TRPC6: variants seen among roughly 807,000 people sequenced by gnomAD.
The protein encoded by TRPC6 is transient receptor potential cation channel subfamily C member 6, also known as short transient receptor potential channel 6.
In TRPC6, 55 loss-of-function variants were observed where a neutral mutation model predicts 90.7. The ratio of observed to expected loss-of-function variants is 0.61; its 90% CI spans 0.49 to 0.76. The LOEUF is 0.76. TRPC6 is among the 30% of genes least tolerant of loss of function. The probability of loss-of-function intolerance (pLI) is 0.00; values close to 1 mark genes in which losing one functional copy is unlikely to be tolerated. For synonymous variants in TRPC6, 393 were observed against 393.0 expected (o/e 1.00, Z 0.00); for missense variants, 989 against 1,122.7 (o/e 0.88, Z 1.70).
intron 1 of TRPC6, among the ~76,000 whole-genome samples, chr11:101,523,041 G>T (rs1338698631): frequency 6.6e-6 from 1 of 152,162 alleles, no homozygotes; most frequent in African/African-American, 2.4e-5. Context: ...AGCTTGAATG[G>T]GCAAAGGACT....
In TRPC6 at chr11:101,546,351, C is replaced by T. The variant is rs556402312; in HGVS notation, c.170+36983G>A. ...CCTCCCAAAGTGCTGGGATTACAGG[C>T]GTGAGCCACCGCACCCGGCCTTATA... On this transcript the variant is annotated intron_variant, in intron 1 of 12. Transcript: ENST00000344327. 6.1e-5 allele frequency among the ~76,000 whole-genome samples: 4 copies of T among 65,660 alleles called. 1 individual carries two copies. The highest frequency in any genetic ancestry group is 1.2e-3 in the East Asian group (2 of 1,608). 43.1% of individuals were successfully genotyped at this position (65,660 alleles called of 152,430 possible).
chr11:101,557,318 G>A (rs1207551421), intron 1 of TRPC6, among the ~76,000 whole-genome samples: 3 of 152,198 alleles, frequency 2.0e-5, no homozygotes, highest in Non-Finnish European at 4.4e-5. Flanking sequence ...CTGTGCCACT[G>A]CACTCCAGCC....
intron 1 of TRPC6, among the ~76,000 whole-genome samples, chr11:101,514,459 A>ACT (rs1337500376): frequency 1.3e-5 from 2 of 152,074 alleles, no homozygotes. Context: ...GGAAGAGGAG[A>ACT]CTCAGCCCGC....
chr11:101,496,610 T>C (rs919865994), intron 2 of TRPC6, among the ~76,000 whole-genome samples: 26 of 152,248 alleles, frequency 1.7e-4, no homozygotes, highest in African/African-American at 5.1e-4. Context: ...TTAGTTAATA[T>C]AGTGTTTGGT....
At chr11:101,583,207 C>G in intron 1 of TRPC6, 127 bp downstream of exon 1, 1 of 1,442,810 alleles carries the variant, frequency 6.9e-7, no homozygotes, top group Non-Finnish European at 9.1e-7. Flanking sequence ...GCGGACCTCC[C>G]AGCACCGTCC....
chr11:101,533,437 C>T (rs1329144992), intron 1 of TRPC6, among the ~76,000 whole-genome samples: 3 of 152,300 alleles, frequency 2.0e-5, no homozygotes, highest in African/African-American at 2.4e-5. Context: ...CTAGAATTCA[C>T]TGTCACAAAG....
chr11:101,579,716 T>C (rs35637573), intron 1 of TRPC6, among the ~76,000 whole-genome samples: 4 of 152,198 alleles, frequency 2.6e-5, no homozygotes, highest in African/African-American at 9.7e-5. Context: ...CTTCTTACTG[T>C]TAAAGTTTCC....
intron 1 of TRPC6, among the ~76,000 whole-genome samples, chr11:101,538,292 A>G (rs4402260): frequency 6.6e-6 from 1 of 152,066 alleles, no homozygotes; most frequent in South Asian, 2.1e-4. Context: ...AGCTATTTCT[A>G]TACTTTTCTA....
At chr11:101,583,219 A>C (rs1862238745) in intron 1 of TRPC6, 115 bp downstream of exon 1, 18 of 1,469,914 alleles carry the variant, frequency 1.2e-5, no homozygotes, top group Admixed American at 4.3e-5. Context: ...GCACCGTCCT[A>C]GGAGGTACAC....
At chr11:101,555,011 T>C (rs1358835439) in intron 1 of TRPC6, among the ~76,000 whole-genome samples, 1 of 152,146 alleles carries the variant, frequency 6.6e-6, no homozygotes, top group Non-Finnish European at 1.5e-5. Context: ...TAGTGTTTGC[T>C]CTTTCTTCTT....
intron 5 of TRPC6, among the ~76,000 whole-genome samples, chr11:101,481,115 G>A (rs565967682): frequency 5.9e-5 from 9 of 152,210 alleles, no homozygotes; most frequent in South Asian, 2.1e-4. Context: ...TGAAAAATGC[G>A]TCTTAATATT....
chr11:101,531,957 G>T (rs1860921314), intron 1 of TRPC6, among the ~76,000 whole-genome samples: 1 of 152,174 alleles, frequency 6.6e-6, no homozygotes, highest in Non-Finnish European at 1.5e-5. Flanking sequence ...ACTTGGGAAG[G>T]TGTCGGCTCA....
At chr11:101,478,877 C>CA (rs1186649424) in intron 5 of TRPC6, among the ~76,000 whole-genome samples, 1 of 152,088 alleles carries the variant, frequency 6.6e-6, no homozygotes, top group African/African-American at 2.4e-5. Flanking sequence ...TTTCTTTTTA[C>CA]AAAAAACAAC....
At chr11:101,461,053 G>T (rs1472106649) in intron 10 of TRPC6, among the ~76,000 whole-genome samples, 1 of 152,124 alleles carries the variant, frequency 6.6e-6, no homozygotes, top group African/African-American at 2.4e-5. Flanking sequence ...TGGTAAGATA[G>T]ACTTAATTAT....
chr11:101,463,027 G>C (rs1859043400), intron 10 of TRPC6, among the ~76,000 whole-genome samples: 1 of 152,156 alleles, frequency 6.6e-6, no homozygotes, highest in African/African-American at 2.4e-5. Context: ...AAGCACTATT[G>C]AGTTTTGTTG....
At chr11:101,542,886 G>C (rs1861209505) in intron 1 of TRPC6, among the ~76,000 whole-genome samples, 1 of 151,884 alleles carries the variant, frequency 6.6e-6, no homozygotes, top group Non-Finnish European at 1.5e-5. Context: ...GATTAGCAAA[G>C]GTTTCATAGA....
chr11:101,557,040 G>A (rs7119712), intron 1 of TRPC6, among the ~76,000 whole-genome samples: 34,825 of 152,084 alleles, frequency 0.23, 4,325 homozygotes, highest in Middle Eastern at 0.34. Flanking sequence ...ACCAGATTAC[G>A]TATAGAAGAA....
intron 1 of TRPC6, among the ~76,000 whole-genome samples, chr11:101,525,460 T>C (rs1860757091): frequency 6.6e-6 from 1 of 152,064 alleles, no homozygotes; most frequent in East Asian, 1.9e-4. Flanking sequence ...AAGGAGGAAG[T>C]AAAGGGAAGA....
At chr11:101,496,419 T>C (rs1859951341) in intron 2 of TRPC6, among the ~76,000 whole-genome samples, 1 of 152,200 alleles carries the variant, frequency 6.6e-6, no homozygotes, top group African/African-American at 2.4e-5. Context: ...ATGGTGATGA[T>C]TAACAAGCAT....
Sources: gnomAD v4.1 joint callset for allele counts (sites outside exome capture counted in the v4.1 genomes callset) on GRCh38, gnomAD v4.1.1 for gene constraint, MANE v1.5 for transcripts, NCBI Gene and HGNC (gene_info 2026-07-23, HGNC 2026-07-21) for gene names.